SDK1: variants seen among roughly 807,000 people sequenced by gnomAD.
SDK1 encodes sidekick cell adhesion molecule 1, also known as protein sidekick-1.
Under a neutral mutation model 245.5 loss-of-function variants are expected in SDK1, and 157 were observed. The observed-to-expected ratio is 0.64, with a 90% CI of 0.56 to 0.73. SDK1 has a LOEUF of 0.73. Among genes scored for constraint, SDK1 ranks in the 30% least tolerant of loss-of-function variants. The pLI is 0.00. For missense variants in SDK1, 3,583 were observed against 3,002.3 expected, an observed-to-expected ratio of 1.19 and a Z score of -4.52; for synonymous variants, 1,647 against 1,278.5, an observed-to-expected ratio of 1.29 and a Z score of -6.15.
chr7:3,910,696 T>C (rs1189548146), intron 5 of SDK1, among the ~76,000 whole-genome samples: 1 of 152,190 alleles, frequency 6.6e-6, no homozygotes, highest in Non-Finnish European at 1.5e-5. Flanking sequence ...AGTTGCATGA[T>C]ACATAGTGTT....
chr7:4,061,960 C>T (rs13225494), intron 19 of SDK1, among the ~76,000 whole-genome samples: 1 of 122,450 alleles, frequency 8.2e-6, no homozygotes, highest in Non-Finnish European at 1.6e-5. Context: ...GGAAGGGGAA[C>T]ATCACACTCT....
At chr7:3,530,651 ATATAT>A (rs980096118) in intron 1 of SDK1, among the ~76,000 whole-genome samples, 47 of 152,354 alleles carry the variant, frequency 3.1e-4, no homozygotes, top group African/African-American at 8.4e-4. Flanking sequence ...GGCATGTGAA[ATATAT>A]TATGTATTAA....
chr7:4,079,778 G>A (rs971773477), intron 22 of SDK1, among the ~76,000 whole-genome samples, 194 bp downstream of exon 22: 6 of 152,180 alleles, frequency 3.9e-5, no homozygotes, highest in Non-Finnish European at 7.3e-5. Flanking sequence ...ATGTCAGGCC[G>A]GGGTCCTACC....
intron 5 of SDK1, among the ~76,000 whole-genome samples, chr7:3,947,413 T>A (rs1457466938): frequency 6.6e-6 from 1 of 152,232 alleles, no homozygotes; most frequent in Non-Finnish European, 1.5e-5. Context: ...TTATATTTAC[T>A]ATGTAAAGAT....
At chr7:3,585,442 G>C (rs1487563035) in intron 1 of SDK1, among the ~76,000 whole-genome samples, 6 of 152,266 alleles carry the variant, frequency 3.9e-5, no homozygotes, top group African/African-American at 1.4e-4. Context: ...TGAGGGGATA[G>C]GTAGAAAAAA....
At position 3,828,549 on chromosome 7, in the gene SDK1, T is replaced by C. The variant is rs1162253573; in HGVS notation, c.847+6966T>C. On this transcript the variant is annotated intron_variant, in intron 5 of 44. Transcript: ENST00000404826. ...CTTTAAAAAATTAATTGAATGTCAA[T>C]AATAATTGTAACAATAACTCAATCC... Among the ~76,000 whole-genome samples, 4 of 151,804 alleles carry C rather than the reference T, an allele frequency of 2.6e-5. No homozygotes were observed. In the South Asian group the frequency reaches 6.2e-4, roughly 24 times the overall value.
chr7:3,650,848 G>A (rs1461706060), intron 4 of SDK1, among the ~76,000 whole-genome samples: 1 of 145,390 alleles, frequency 6.9e-6, no homozygotes, highest in Non-Finnish European at 1.5e-5. Flanking sequence ...TTTTAACTTA[G>A]TATAATTCCC....
At chr7:3,444,998 T>TA (rs1463086016) in intron 1 of SDK1, among the ~76,000 whole-genome samples, 1 of 152,340 alleles carries the variant, frequency 6.6e-6, no homozygotes, top group South Asian at 2.1e-4. Flanking sequence ...ACATTGGTAA[T>TA]ACCAGCAGAG....
intron 4 of SDK1, among the ~76,000 whole-genome samples, chr7:3,804,465 A>G (rs977246249): frequency 1.6e-4 from 24 of 152,268 alleles, no homozygotes; most frequent in Admixed American, 8.5e-4. Flanking sequence ...TCCTTTGCCA[A>G]TACCACACTG....
chr7:3,351,040 A>G (rs1780647088), intron 1 of SDK1, among the ~76,000 whole-genome samples: 1 of 152,190 alleles, frequency 6.6e-6, no homozygotes, highest in African/African-American at 2.4e-5. Context: ...GTGATAATAT[A>G]TCTTAGTTTC....
intron 4 of SDK1, among the ~76,000 whole-genome samples, chr7:3,796,462 C>T (rs1472691145): frequency 1.3e-5 from 2 of 152,200 alleles, no homozygotes; most frequent in African/African-American, 4.8e-5. Context: ...GGCAGGGCGA[C>T]CCCTGCACAT....
chr7:3,554,034 C>A (rs1373428277), intron 1 of SDK1, among the ~76,000 whole-genome samples: 1 of 152,144 alleles, frequency 6.6e-6, no homozygotes, highest in African/African-American at 2.4e-5. Flanking sequence ...CATACTAAGC[C>A]TAAACAGGGT....
At chr7:3,866,521 G>C (rs954921280) in intron 5 of SDK1, among the ~76,000 whole-genome samples, 7 of 152,120 alleles carry the variant, frequency 4.6e-5, no homozygotes, top group African/African-American at 1.7e-4. Context: ...CAGAATAGCT[G>C]GGTTACAGCT....
intron 5 of SDK1, among the ~76,000 whole-genome samples, chr7:3,946,585 G>A (rs1780588107): frequency 6.6e-6 from 1 of 151,958 alleles, no homozygotes; most frequent in African/African-American, 2.4e-5. Flanking sequence ...CCAAAGTTCT[G>A]GGATTACAGA....
In SDK1 at chr7:4,110,656, T is replaced by C. The variant is rs1330848459; in HGVS notation, c.3325-7T>C. On this transcript the variant is annotated splice_polypyrimidine_tract_variant and splice_region_variant and intron_variant, in intron 22 of 44. Transcript: ENST00000404826. ...TCCAGCCCATCTCAGTGTCTCCCTC[T>C]GCACAGGTGGGAGCTATCGGCGACG... 4.4e-6 allele frequency: 7 copies of C among 1,599,426 alleles called. No homozygotes were observed. The highest frequency in any genetic ancestry group is 6.0e-6 in the Non-Finnish European group (7 of 1,167,346).
chr7:3,835,280 A>T (rs569830845), intron 5 of SDK1, among the ~76,000 whole-genome samples: 2 of 152,202 alleles, frequency 1.3e-5, no homozygotes, highest in South Asian at 4.2e-4. Flanking sequence ...CATTTCCTCA[A>T]TTATCGACTC....
chr7:3,337,836 C>T (rs1780243129), intron 1 of SDK1: 1 of 152,098 alleles, frequency 6.6e-6, no homozygotes, highest in South Asian at 2.1e-4. Context: ...AACTTTCTTG[C>T]ATGAAGGAAA....
chr7:3,484,579 C>T (rs1343793180), intron 1 of SDK1, among the ~76,000 whole-genome samples: 1 of 152,172 alleles, frequency 6.6e-6, no homozygotes, highest in African/African-American at 2.4e-5. Context: ...TGGTCTCCTG[C>T]CAGTGCTGTT....
intron 21 of SDK1, among the ~76,000 whole-genome samples, chr7:4,078,551 G>C (rs1780844361): frequency 6.6e-6 from 1 of 152,162 alleles, no homozygotes; most frequent in East Asian, 1.9e-4. Flanking sequence ...CCAAGCAACA[G>C]CAAATGAGGA....
Sources: allele counts gnomAD v4.1 joint callset (sites outside exome capture counted in the v4.1 genomes callset), GRCh38; gene constraint gnomAD v4.1.1; transcripts MANE v1.5; gene names NCBI Gene and HGNC (gene_info 2026-07-23, HGNC 2026-07-21).